The following ZNF609 variants were observed in gnomAD, a reference collection of about 807,000 sequenced individuals.
ZNF609 encodes zinc finger protein 609.
ZNF609 carries 11 observed loss-of-function variants against 109.5 expected under a neutral mutation model. The ratio of observed to expected loss-of-function variants is 0.10; its 90% CI spans 0.06 to 0.17. The LOEUF (loss-of-function observed/expected upper bound fraction) is 0.17, where lower values mean the gene tolerates loss of function less well. Among genes scored for constraint, ZNF609 ranks in the 10% least tolerant of loss-of-function variants. The probability of loss-of-function intolerance (pLI) is 1.00; values close to 1 mark genes in which losing one functional copy is unlikely to be tolerated. For synonymous variants in ZNF609, 646 were observed against 662.0 expected, an observed-to-expected ratio of 0.98 and a Z score of 0.37; for missense variants, 1,559 against 1,772.4, an observed-to-expected ratio of 0.88 and a Z score of 2.16.
At chr15:64,499,201 T>A in intron 1 of ZNF609, 92 bp from the exon 2 acceptor site, 1 of 544,932 alleles carries the variant, frequency 1.8e-6, no homozygotes. Flanking sequence ...GATAGCCCCA[T>A]AGGAAGGGTC....
intron 3 of ZNF609, among the ~76,000 whole-genome samples, chr15:64,626,772 T>G (rs962092636): frequency 2.0e-5 from 3 of 152,198 alleles, no homozygotes; most frequent in African/African-American, 4.8e-5. Flanking sequence ...TTCCATTTCT[T>G]TTTAGGCTGT....
chr15:64,654,431 C>T (rs1236810386), intron 3 of ZNF609: 1 of 152,050 alleles, frequency 6.6e-6, no homozygotes, highest in Non-Finnish European at 1.5e-5. Flanking sequence ...GGCCATTCAA[C>T]CAAACTTTAC....
At chr15:64,603,040 C>T (rs559265295) in intron 2 of ZNF609, among the ~76,000 whole-genome samples, 3 of 151,086 alleles carry the variant, frequency 2.0e-5, no homozygotes, top group African/African-American at 7.3e-5. Context: ...CTGCCGTGCC[C>T]GGCACTGCCC....
chr15:64,626,353 A>G (rs1034465872), intron 3 of ZNF609, among the ~76,000 whole-genome samples: 6 of 152,196 alleles, frequency 3.9e-5, no homozygotes, highest in Admixed American at 3.3e-4. Flanking sequence ...TGCAAAGATC[A>G]TTCTCTGAAG....
intron 2 of ZNF609, among the ~76,000 whole-genome samples, chr15:64,574,484 T>C (rs1894915235): frequency 6.6e-6 from 1 of 152,210 alleles, no homozygotes; most frequent in African/African-American, 2.4e-5. Context: ...ACTCACTTGA[T>C]CTGTTGTCTT....
intron 1 of ZNF609, among the ~76,000 whole-genome samples, chr15:64,485,303 C>G (rs185623739): frequency 6.6e-6 from 1 of 152,178 alleles, no homozygotes; most frequent in African/African-American, 2.4e-5. Context: ...ACTTGATCAC[C>G]AGTTCTTAGG....
rs188404349 is a variant in ZNF609, at chr15:64,576,967, C to T, written c.748-45860C>T. On this transcript the variant is annotated intron_variant, in intron 2 of 9. Transcript: ENST00000326648. ...ATATATACATATATGTATATATACA[C>T]ATAAATATATATATGTATGTATACA... Among the ~76,000 whole-genome samples the T allele has an allele frequency of 3.1e-3, 417 of 133,040 alleles. 4 individuals are homozygous for T. The highest frequency in any genetic ancestry group is 0.011 in the African/African-American group (399 of 34,720). The allele number at this position is 133,040 out of a possible 152,430, so 87.3% of individuals were successfully genotyped here. A position where few individuals can be genotyped will look rare whatever the true frequency, so the allele number is the denominator to read the frequency against.
intron 3 of ZNF609, among the ~76,000 whole-genome samples, chr15:64,637,324 T>A (rs1354789223): frequency 6.6e-6 from 1 of 152,208 alleles, no homozygotes; most frequent in African/African-American, 2.4e-5. Context: ...AGTTTGAGGC[T>A]GTTATAAAAA....
chr15:64,470,979 C>T (rs1893083346), intron 1 of ZNF609, among the ~76,000 whole-genome samples: 1 of 152,176 alleles, frequency 6.6e-6, no homozygotes, highest in Non-Finnish European at 1.5e-5. Flanking sequence ...GTCTTTTAGT[C>T]TTCTGTTGTT....
chr15:64,526,995 T>C (rs939062618), intron 2 of ZNF609, among the ~76,000 whole-genome samples: 6 of 152,016 alleles, frequency 3.9e-5, no homozygotes, highest in African/African-American at 1.4e-4. Context: ...AGTTAGAGAT[T>C]TTAAATTATG....
At chr15:64,462,443 C>T (rs553467523) in intron 1 of ZNF609, among the ~76,000 whole-genome samples, 5 of 152,072 alleles carry the variant, frequency 3.3e-5, no homozygotes, top group East Asian at 1.9e-4. Context: ...TGTTTGTTTC[C>T]GAATACCACT....
rs56289189 is a variant in ZNF609 at position 64,475,097 on chromosome 15, C to CT, written c.-128+14282dup. Among the ~76,000 whole-genome samples, 243 of 93,028 alleles carry CT rather than the reference C, an allele frequency of 2.6e-3. 3 individuals are homozygous for CT. Among genetic ancestry groups the CT allele is most frequent in the African/African-American group, 9.2e-3 (217 of 23,500 alleles). 61.0% of individuals were successfully genotyped at this position (93,028 alleles called of 152,430 possible). On this transcript the variant is annotated intron_variant, in intron 1 of 9. Transcript: ENST00000326648. ...CCTGTGCTAGCATACCCAGTTTATC[C>CT]TTTTTTTTTTTTTTTTTTTTTTTAC...
intron 3 of ZNF609, among the ~76,000 whole-genome samples, chr15:64,624,095 A>G (rs1895917394): frequency 6.6e-6 from 1 of 152,178 alleles, no homozygotes; most frequent in African/African-American, 2.4e-5. Flanking sequence ...TATTTATTTA[A>G]AGTTTACCGT....
At position 64,532,740 on chromosome 15, in the gene ZNF609, G is replaced by A. The variant is rs532375769; in HGVS notation, c.747+32574G>A. Among the ~76,000 whole-genome samples, 5 of 152,314 alleles carry A rather than the reference G, an allele frequency of 3.3e-5. No homozygotes were observed. The South Asian group carries it at 6.2e-4, about 19-fold the overall frequency. Reference sequence around the variant, plus strand: ...TTGGGAAACCCCAGATGTCAAGATCGTTAGGTGTTTCCTTATAGGCTTACC... The same window carrying A: ...TTGGGAAACCCCAGATGTCAAGATCATTAGGTGTTTCCTTATAGGCTTACC... On this transcript the variant is annotated intron_variant, in intron 2 of 9. Coordinates refer to ENST00000326648, the MANE Select transcript of ZNF609 (RefSeq NM_015042.2).
Position 64,555,324 on chromosome 15 carries a change from G to A in ZNF609, c.747+55158G>A, listed in dbSNP as rs762855165. 3.3e-5 allele frequency among the ~76,000 whole-genome samples: 5 copies of A among 152,090 alleles called. 1 individual carries two copies. The highest frequency in any genetic ancestry group is 4.1e-4 in the South Asian group (2 of 4,828). ...TGAGGCTGTAGTGAGCCGAGATCAC[G>A]CCACTGCACTCCAGCCTTGGTGACA... On this transcript the variant is annotated intron_variant, in intron 2 of 9. Transcript: ENST00000326648.
At chr15:64,575,467 C>T (rs981551498) in intron 2 of ZNF609, among the ~76,000 whole-genome samples, 1 of 151,732 alleles carries the variant, frequency 6.6e-6, no homozygotes, top group Non-Finnish European at 1.5e-5. Context: ...TATCTATAAT[C>T]AGTAGGATTT....
intron 2 of ZNF609, among the ~76,000 whole-genome samples, chr15:64,521,720 T>G (rs1414111421): frequency 1.3e-5 from 2 of 152,132 alleles, no homozygotes; most frequent in Admixed American, 1.3e-4. Context: ...CCAGTGTGGT[T>G]TTTTAAAATG....
chr15:64,603,825 C>A (rs1210640044), intron 2 of ZNF609, among the ~76,000 whole-genome samples: 2 of 151,136 alleles, frequency 1.3e-5, no homozygotes, highest in African/African-American at 4.9e-5. Context: ...ATGGTGAAAC[C>A]CATCTTTACT....
intron 2 of ZNF609, among the ~76,000 whole-genome samples, chr15:64,526,113 T>C (rs990923565): frequency 6.6e-6 from 1 of 151,356 alleles, no homozygotes; most frequent in Non-Finnish European, 1.5e-5. Context: ...TCTTTTTTTT[T>C]TTTTTTTTAA....
Sources: gnomAD v4.1 joint callset for allele counts (sites outside exome capture counted in the v4.1 genomes callset) on GRCh38, gnomAD v4.1.1 for gene constraint, MANE v1.5 for transcripts, NCBI Gene and HGNC (gene_info 2026-07-23, HGNC 2026-07-21) for gene names.